SGCD: variants seen among roughly 807,000 people sequenced by gnomAD.
The protein encoded by SGCD is sarcoglycan delta, also known as delta-sarcoglycan.
In SGCD, 18 loss-of-function variants were observed where a neutral mutation model predicts 36.6. That is an observed-to-expected ratio of 0.49 (90% CI 0.34 to 0.73). SGCD has a LOEUF of 0.73. Ranked by LOEUF, SGCD falls within the 30% of genes least tolerant of loss-of-function variation. The pLI is 0.01. For synonymous variants in SGCD, 133 were observed against 130.6 expected, an observed-to-expected ratio of 1.02 and a Z score of -0.12; for missense variants, 387 against 346.7, an observed-to-expected ratio of 1.12 and a Z score of -0.92.
chr5:155,753,911 C>T, the SGCD span, among the ~76,000 whole-genome samples: 1 of 151,218 alleles, frequency 6.6e-6, no homozygotes, highest in African/African-American at 2.4e-5. Flanking sequence ...TTTTTTTTTT[C>T]AATTGACGTG....
intron 1 of SGCD, among the ~76,000 whole-genome samples, chr5:155,978,008 C>T (rs115945284): frequency 2.8e-4 from 43 of 152,122 alleles, no homozygotes; most frequent in Non-Finnish European, 5.0e-4. Flanking sequence ...GCAGGGGTAT[C>T]GCTTAAACCT....
intron 3 of SGCD, among the ~76,000 whole-genome samples, chr5:156,283,300 C>T (rs1300211565): frequency 6.6e-6 from 1 of 152,134 alleles, no homozygotes; most frequent in Non-Finnish European, 1.5e-5. Context: ...AGCTGAGTTG[C>T]TTTCCTTGCC....
At chr5:156,677,109 C>T (rs1753543953) in intron 7 of SGCD, among the ~76,000 whole-genome samples, 1 of 152,196 alleles carries the variant, frequency 6.6e-6, no homozygotes, top group Admixed American at 6.5e-5. Flanking sequence ...GAGTCAAAGA[C>T]TTATAGAGCT....
chr5:155,881,682 G>C (rs1755890958), intron 1 of SGCD, among the ~76,000 whole-genome samples: 1 of 152,202 alleles, frequency 6.6e-6, no homozygotes, highest in Non-Finnish European at 1.5e-5. Context: ...AGCATGCCAT[G>C]CTGTTTGATA....
At chr5:156,409,523 A>G (rs1772627393) in intron 3 of SGCD, among the ~76,000 whole-genome samples, 2 of 152,146 alleles carry the variant, frequency 1.3e-5, no homozygotes, top group African/African-American at 2.4e-5. Flanking sequence ...CCTTATTTGC[A>G]GCATACCCCT....
the SGCD span, among the ~76,000 whole-genome samples, chr5:155,782,976 G>A: frequency 6.6e-6 from 1 of 152,052 alleles, no homozygotes; most frequent in Non-Finnish European, 1.5e-5. Flanking sequence ...AAGGAGATAG[G>A]TTTCAGCTCC....
chr5:156,189,615 T>C (rs2127631751), intron 3 of SGCD, among the ~76,000 whole-genome samples: 2 of 152,056 alleles, frequency 1.3e-5, no homozygotes, highest in East Asian at 1.9e-4. Context: ...CACATGGCAA[T>C]TAGATATTTA....
At chr5:156,543,097 G>A (rs985940963) in intron 4 of SGCD, among the ~76,000 whole-genome samples, 1 of 152,200 alleles carries the variant, frequency 6.6e-6, no homozygotes, top group African/African-American at 2.4e-5. Flanking sequence ...ATCTGTAGAT[G>A]TAATAGCTTG....
At chr5:156,701,639 G>A (rs1754532992) in intron 7 of SGCD, among the ~76,000 whole-genome samples, 1 of 152,104 alleles carries the variant, frequency 6.6e-6, no homozygotes, top group Non-Finnish European at 1.5e-5. Flanking sequence ...TAAAGAATTA[G>A]ACCATCATTC....
At chr5:156,497,209 G>A (rs867032979) in intron 3 of SGCD, among the ~76,000 whole-genome samples, 4 of 148,914 alleles carry the variant, frequency 2.7e-5, no homozygotes, top group Non-Finnish European at 6.0e-5. Flanking sequence ...CTCTCTCTGC[G>A]TGTGTTCTTC....
At chr5:156,204,367 C>A (rs766757480) in intron 3 of SGCD, among the ~76,000 whole-genome samples, 4 of 151,802 alleles carry the variant, frequency 2.6e-5, no homozygotes, top group Non-Finnish European at 5.9e-5. Flanking sequence ...TGAGGGCTTG[C>A]GGTGTGTATA....
chr5:156,130,742 T>C (rs1226932702), intron 3 of SGCD, among the ~76,000 whole-genome samples: 1 of 152,112 alleles, frequency 6.6e-6, no homozygotes, highest in African/African-American at 2.4e-5. Context: ...TTTTTTTCTT[T>C]TGAGATGGAG....
At chr5:156,284,349 G>A (rs1766536006) in intron 3 of SGCD, among the ~76,000 whole-genome samples, 4 of 152,026 alleles carry the variant, frequency 2.6e-5, no homozygotes, top group Non-Finnish European at 5.9e-5. Context: ...TGATACCAAA[G>A]CCTGGCAGAG....
chr5:156,448,976 A>T (rs1045874865), intron 3 of SGCD, among the ~76,000 whole-genome samples: 7 of 151,572 alleles, frequency 4.6e-5, no homozygotes, highest in African/African-American at 1.7e-4. Flanking sequence ...CTGGTCTGGA[A>T]CTCCTGACCT....
Position 156,344,471 on chromosome 5 carries a change from T to C in SGCD, c.4-18T>C. The C allele has an allele frequency of 6.5e-7, 1 of 1,538,092 alleles. No homozygotes were observed. The highest frequency in any genetic ancestry group is 8.7e-7 in the Non-Finnish European group (1 of 1,149,804). On this transcript the variant is annotated intron_variant, in intron 2 of 8. Transcript: ENST00000337851. Reference sequence around the variant, plus strand: ...GCGGTTTAATGTGAGTGCTTCTCTCTTGCCTCGTTTATTTCAGATGCCTCA... The same window carrying C: ...GCGGTTTAATGTGAGTGCTTCTCTCCTGCCTCGTTTATTTCAGATGCCTCA...
chr5:156,587,097 T>G (rs1288278008), intron 4 of SGCD, among the ~76,000 whole-genome samples: 1 of 152,198 alleles, frequency 6.6e-6, no homozygotes, highest in African/African-American at 2.4e-5. Context: ...GAGCTCACAC[T>G]CTGAACCTTT....
At chr5:156,567,368 GGATAGATAAATAGATAGATA>G (rs1291058420) in intron 4 of SGCD, among the ~76,000 whole-genome samples, 14 of 133,498 alleles carry the variant, frequency 1.0e-4, no homozygotes, top group East Asian at 2.1e-4. Context: ...AGGGAGGGAT[GGATAGATAAATAGATAGATA>G]GATAGATAGA....
chr5:156,356,664 G>A (rs115369821), intron 3 of SGCD, among the ~76,000 whole-genome samples: 2,619 of 152,220 alleles, frequency 0.017, 35 homozygotes, highest in African/African-American at 0.029. Flanking sequence ...GTAATGGATT[G>A]AATAGTGCCC....
the SGCD span, among the ~76,000 whole-genome samples, chr5:155,800,488 G>C: frequency 2.0e-5 from 3 of 152,156 alleles, no homozygotes; most frequent in African/African-American, 4.8e-5. Flanking sequence ...TCGCTTGAAG[G>C]TGTTTTGGCT....
Sources: allele counts gnomAD v4.1 joint callset (sites outside exome capture counted in the v4.1 genomes callset), GRCh38; gene constraint gnomAD v4.1.1; transcripts MANE v1.5; gene names NCBI Gene and HGNC (gene_info 2026-07-23, HGNC 2026-07-21).